YTHDF3: variants seen among roughly 807,000 people sequenced by gnomAD.
The protein encoded by YTHDF3 is YTH N6-methyladenosine RNA binding protein F3, also known as YTH domain-containing family protein 3.
A neutral mutation model predicts 52.5 loss-of-function variants in YTHDF3; 9 were observed. The observed-to-expected ratio is 0.17, with a 90% confidence interval of 0.10 to 0.30. The LOEUF is 0.30. YTHDF3 is among the 10% of genes least tolerant of loss of function. YTHDF3 has a pLI of 1.00. For synonymous variants in YTHDF3, 274 were observed against 243.3 expected, an observed-to-expected ratio of 1.13 and a Z score of -1.18; for missense variants, 534 against 715.0, an observed-to-expected ratio of 0.75 and a Z score of 2.89.
chr8:63,186,915 C>T lies in YTHDF3; in HGVS notation c.904C>T (p.Gln302Ter). Residue 302 changes from glutamine to a stop codon, truncating the protein, a stop_gained, in exon 4 of 5, where the codon CAG (glutamine) becomes TAG (stop). Coordinates refer to ENST00000539294, the MANE Select transcript of YTHDF3 (RefSeq NM_152758.6). LOFTEE classifies it high-confidence loss of function. Reference sequence around the variant, plus strand: ...AGTTCTGCCTCCTCAAACTATAATCCAGCAGCCTCAGCCATTAATTCAACC... The same window carrying T: ...AGTTCTGCCTCCTCAAACTATAATCTAGCAGCCTCAGCCATTAATTCAACC... Reference protein sequence around the residue: ...QPVLPPQTIIQQPQPLIQPPP... With the variant: ...QPVLPPQTII The T allele has an allele frequency of 6.2e-7, 1 of 1,613,948 alleles. No homozygotes were observed. Among genetic ancestry groups the T allele is most frequent in the Non-Finnish European group, 8.5e-7 (1 of 1,179,880 alleles).
chr8:63,190,267 C>T (rs1426211097), intron 4 of YTHDF3, among the ~76,000 whole-genome samples: 4 of 150,952 alleles, frequency 2.6e-5, no homozygotes, highest in African/African-American at 4.9e-5. Context: ...ACTTTTCTTT[C>T]GCCCACCACT....
chr8:63,174,708 G>T (rs1807570794), intron 2 of YTHDF3, among the ~76,000 whole-genome samples: 1 of 152,106 alleles, frequency 6.6e-6, no homozygotes, highest in Non-Finnish European at 1.5e-5. Context: ...AATTTTGTTT[G>T]TAGTTTCATG....
In YTHDF3 at chr8:63,212,739, T is replaced by G. The variant is rs1409199415; in HGVS notation, c.*3033T>G. 1 of 152,622 alleles carries G rather than the reference T, an allele frequency of 6.6e-6. No individual in the cohort carries two copies. The highest frequency in any genetic ancestry group is 2.4e-5 in the African/African-American group (1 of 41,452). The allele number at this position is 152,622 out of a possible 1,614,324, so 9.5% of individuals were successfully genotyped here. A position where few individuals can be genotyped will look rare whatever the true frequency, so the allele number is the denominator to read the frequency against. On this transcript the variant is annotated 3_prime_UTR_variant, in exon 5 of 5. Coordinates refer to ENST00000539294, the MANE Select transcript of YTHDF3 (RefSeq NM_152758.6). ...TCTGTTATGGTACCCAAACTCACCA[T>G]TTGGTCCTCTTTAATCTTTGAGGGT...
intron 4 of YTHDF3, chr8:63,188,633 T>C (rs533584503): frequency 6.9e-6 from 1 of 144,262 alleles, no homozygotes; most frequent in Admixed American, 7.0e-5. Context: ...CTGAAACAAC[T>C]TTTAAATAAA....
chr8:63,181,790 A>G (rs556168569), intron 3 of YTHDF3, among the ~76,000 whole-genome samples: 1 of 152,222 alleles, frequency 6.6e-6, no homozygotes, highest in Non-Finnish European at 1.5e-5. Flanking sequence ...TATCTGGCAC[A>G]TATAGCATTC....
chr8:63,194,650 G>T lies in YTHDF3; in HGVS notation c.1734+6905G>T, dbSNP rs1809123510. On this transcript the variant is annotated intron_variant, in intron 4 of 4. Transcript: ENST00000539294. ...GATAACTTTCCCCCAGAAAACTATAGTGTTTTTTTCCTATAGGAAAGAATA... is the reference window on the plus strand; with the variant it reads ...GATAACTTTCCCCCAGAAAACTATATTGTTTTTTTCCTATAGGAAAGAATA... 2.0e-5 allele frequency among the ~76,000 whole-genome samples: 3 copies of T among 152,196 alleles called. No individual in the cohort carries two copies. The South Asian group carries it at 6.2e-4, about 32-fold the overall frequency.
At chr8:63,168,997 G>C in intron 1 of YTHDF3, 96 bp downstream of exon 1, 1 of 1,507,908 alleles carries the variant, frequency 6.6e-7, no homozygotes, top group South Asian at 1.3e-5. Context: ...CGCCGCTGCC[G>C]GCCCCATAAC....
At chr8:63,181,885 ATAT>A (rs1287841681) in intron 3 of YTHDF3, among the ~76,000 whole-genome samples, 1 of 152,222 alleles carries the variant, frequency 6.6e-6, no homozygotes, top group Admixed American at 6.5e-5. Context: ...CTCAGGTTGA[ATAT>A]TATTATGACA....
intron 2 of YTHDF3, chr8:63,173,656 G>A (rs1231835669): frequency 1.0e-6 from 1 of 985,302 alleles, no homozygotes; most frequent in East Asian, 1.1e-4. Context: ...TTTAGGAGCA[G>A]TAAAGCCAGT....
chr8:63,194,317 C>T (rs1809099913), intron 4 of YTHDF3, among the ~76,000 whole-genome samples: 2 of 151,984 alleles, frequency 1.3e-5, no homozygotes, highest in South Asian at 4.2e-4. Flanking sequence ...AACCCCTTTT[C>T]TACTAAAAAT....
At chr8:63,179,821 G>C (rs1488691743) in intron 3 of YTHDF3, among the ~76,000 whole-genome samples, 1 of 151,078 alleles carries the variant, frequency 6.6e-6, no homozygotes, top group Non-Finnish European at 1.5e-5. Flanking sequence ...CTCACCTCCC[G>C]GACGGGGCGG....
At chr8:63,182,191 C>T (rs1171946302) in intron 3 of YTHDF3, among the ~76,000 whole-genome samples, 1 of 151,334 alleles carries the variant, frequency 6.6e-6, no homozygotes, top group African/African-American at 2.4e-5. Flanking sequence ...ACCTCACCTC[C>T]CAAGTAGCTG....
rs574160972 is a variant in YTHDF3, at chr8:63,203,554, C to G, written c.1735-6129C>G. The stretch of plus-strand genomic sequence containing the variant: ...TCTGTATATTCTTTATTCATTTTCC[C>G]TAATATTAACACATAATCATAGTAC... On this transcript the variant is annotated intron_variant, in intron 4 of 4. Transcript: ENST00000539294. Among the ~76,000 whole-genome samples the G allele has an allele frequency of 2.0e-5, 3 of 152,158 alleles. No individual in the cohort carries two copies. The South Asian group carries it at 6.2e-4, about 32-fold the overall frequency.
chr8:63,203,941 C>T (rs192899806), intron 4 of YTHDF3, among the ~76,000 whole-genome samples: 2 of 152,264 alleles, frequency 1.3e-5, no homozygotes, highest in South Asian at 2.1e-4. Flanking sequence ...ATCTTAACTT[C>T]GATTGCTTAA....
chr8:63,199,648 G>C (rs1014867962), intron 4 of YTHDF3, among the ~76,000 whole-genome samples: 52 of 152,190 alleles, frequency 3.4e-4, no homozygotes, highest in Non-Finnish European at 1.2e-4. Flanking sequence ...TAAGGTATGT[G>C]TGTCCAAGGA....
chr8:63,178,609 C>T (rs1345249603), intron 3 of YTHDF3, among the ~76,000 whole-genome samples: 1 of 152,116 alleles, frequency 6.6e-6, no homozygotes, highest in African/African-American at 2.4e-5. Context: ...CCTGTTCTAC[C>T]TCTCCTTTGT....
At chr8:63,192,183 T>G (rs1808956008) in intron 4 of YTHDF3, among the ~76,000 whole-genome samples, 1 of 152,170 alleles carries the variant, frequency 6.6e-6, no homozygotes. Context: ...CAGCCACTCA[T>G]CTGGACTCAT....
In YTHDF3 at chr8:63,187,286, T is replaced by A; in HGVS notation, c.1275T>A (p.Ser425=). 1.2e-6 allele frequency: 2 copies of A among 1,614,062 alleles called. No individual in the cohort carries two copies. Among genetic ancestry groups the A allele is most frequent in the Non-Finnish European group, 1.7e-6 (2 of 1,179,904 alleles). Residue 425 remains serine, a synonymous_variant, in exon 4 of 5, where the codon TCT becomes TCA. Coordinates refer to ENST00000539294, the MANE Select transcript of YTHDF3 (RefSeq NM_152758.6). The part of the protein sequence containing the change: ...NGRVFIIKSY[S]EDDIHRSIKY... ...GTGTGTTTATAATTAAAAGCTACTC[T>A]GAGGATGACATACATCGTTCCATTA...
chr8:63,186,392 T>G lies in YTHDF3; in HGVS notation c.381T>G (p.Phe127Leu). Residue 127 changes from phenylalanine (F) to leucine (L), a missense_variant, in exon 4 of 5, where the codon TTT becomes TTG. By Grantham distance (22) the Phe-to-Leu change is conservative (BLOSUM62 0). Transcript: ENST00000539294. Reference sequence around the variant, plus strand: ...TTGGTCAACATGGATTTAACTTTTTTCCTGGTAATGCTGATTTCTCTACAT... The same window carrying G: ...TTGGTCAACATGGATTTAACTTTTTGCCTGGTAATGCTGATTTCTCTACAT... ...PFLGQHGFNFFPGNADFSTWG... is the reference protein window; with the variant it reads ...PFLGQHGFNFLPGNADFSTWG... The G allele has an allele frequency of 6.2e-7, 1 of 1,614,058 alleles. No homozygotes were observed. The highest frequency in any genetic ancestry group is 8.5e-7 in the Non-Finnish European group (1 of 1,179,904).
Sources: gnomAD v4.1 joint callset for allele counts (sites outside exome capture counted in the v4.1 genomes callset) on GRCh38, gnomAD v4.1.1 for gene constraint, MANE v1.5 for transcripts, NCBI Gene and HGNC (gene_info 2026-07-23, HGNC 2026-07-21) for gene names.